TRIM67: variants seen among roughly 807,000 people sequenced by gnomAD.
The protein encoded by TRIM67 is tripartite motif-containing protein 67.
A neutral mutation model predicts 71.0 loss-of-function variants in TRIM67; 39 were observed. The observed-to-expected ratio is 0.55, with a 90% confidence interval of 0.43 to 0.72. TRIM67 has a LOEUF of 0.72. Among genes scored for constraint, TRIM67 ranks in the 30% least tolerant of loss-of-function variants. The pLI is 0.00. For missense variants in TRIM67, 973 were observed against 1,079.2 expected (o/e 0.90, Z 1.38); for synonymous variants, 481 against 473.9 (o/e 1.01, Z -0.19).
rs1308552604 is a variant in TRIM67 at position 231,219,737 on chromosome 1, T to G, written c.*4297T>G. Reference sequence around the variant, plus strand: ...TCTAACAGATCTTATTGGCAAATATTCAAGATGGTGATGCTGGAAAATTTC... The same window carrying G: ...TCTAACAGATCTTATTGGCAAATATGCAAGATGGTGATGCTGGAAAATTTC... On this transcript the variant is annotated 3_prime_UTR_variant, in exon 10 of 10. Transcript: ENST00000366653. 4.2e-6 allele frequency: 5 copies of G among 1,196,382 alleles called. No homozygotes were observed. The allele number at this position is 1,196,382 out of a possible 1,614,324, so 74.1% of individuals were successfully genotyped here. A position where few individuals can be genotyped will look rare whatever the true frequency, so the allele number is the denominator to read the frequency against.
chr1:231,195,306 C>T (rs1683337755), intron 1 of TRIM67, among the ~76,000 whole-genome samples: 1 of 152,204 alleles, frequency 6.6e-6, no homozygotes, highest in South Asian at 2.1e-4. Context: ...ATGAAAAGTC[C>T]AGCTCCTCAG....
chr1:231,196,493 T>C (rs1683374364), intron 1 of TRIM67, among the ~76,000 whole-genome samples: 1 of 151,638 alleles, frequency 6.6e-6, no homozygotes, highest in South Asian at 2.1e-4. Context: ...GGAGGATCAC[T>C]TGAGCCTGAG....
rs1682328103 is a variant in TRIM67 at position 231,162,939 on chromosome 1, G to A, written c.-31G>A. ...CCCGAGCTCCGGCCATTCATCCCCA[G>A]CGCAGAGCAGCGCTGGCAGCCGGCG... is the stretch of plus-strand genomic sequence containing the variant. On this transcript the variant is annotated 5_prime_UTR_variant, in exon 1 of 10. Coordinates refer to ENST00000366653, the MANE Select transcript of TRIM67 (RefSeq NM_001004342.5). The A allele has an allele frequency of 6.2e-7, 1 of 1,602,342 alleles. No individual in the cohort carries two copies. The highest frequency in any genetic ancestry group is 8.5e-7 in the Non-Finnish European group (1 of 1,176,338).
In TRIM67 at chr1:231,216,052, T is replaced by G. The variant is rs1684006361; in HGVS notation, c.*612T>G. On this transcript the variant is annotated 3_prime_UTR_variant, in exon 10 of 10. Transcript: ENST00000366653. ...CATGCTTGACTTTTGCCTCTCTCAC[T>G]GAAGTGTTAGAACCTTTTAAAATGG... 18 of 985,506 alleles carry G rather than the reference T, an allele frequency of 1.8e-5. No homozygotes were observed. The highest frequency in any genetic ancestry group is 1.9e-5 in the Non-Finnish European group (16 of 829,972). 61.0% of individuals were successfully genotyped at this position (985,506 alleles called of 1,614,324 possible). A position where few individuals can be genotyped will look rare whatever the true frequency, so the allele number is the denominator to read the frequency against.
chr1:231,193,503 G>GCTCTCTCTCTCT (rs3049035), intron 1 of TRIM67, among the ~76,000 whole-genome samples: 3,269 of 81,876 alleles, frequency 0.04, 354 homozygotes, highest in East Asian at 0.078. Context: ...TCTCTCTCAA[G>GCTCTCTCTCTCT]CTCTCTCTCT....
rs951843685 is a variant in TRIM67, at chr1:231,162,276, A to G, written c.-694A>G. 1.3e-5 allele frequency: 2 copies of G among 152,140 alleles called. No individual in the cohort carries two copies. Among genetic ancestry groups the G allele is most frequent in the African/African-American group, 2.4e-5 (1 of 41,426 alleles). 9.4% of individuals were successfully genotyped at this position (152,140 alleles called of 1,614,324 possible). On this transcript the variant is annotated 5_prime_UTR_variant, in exon 1 of 10. Transcript: ENST00000366653. Reference sequence around the variant, plus strand: ...CCCAGGGCGCAGTCAGCCGGCGTCCACAGCCGCCCAGGAGTAGGGTGAGCG... The same window carrying G: ...CCCAGGGCGCAGTCAGCCGGCGTCCGCAGCCGCCCAGGAGTAGGGTGAGCG...
Position 231,163,348 on chromosome 1 carries a change from G to C in TRIM67, c.379G>C (p.Val127Leu). 2 of 1,530,196 alleles carry C rather than the reference G, an allele frequency of 1.3e-6. No homozygotes were observed. The highest frequency in any genetic ancestry group is 1.8e-6 in the Non-Finnish European group (2 of 1,138,532). The allele number at this position is 1,530,196 out of a possible 1,614,324, so 94.8% of individuals were successfully genotyped here. The change falls in exon 1 of 10, where the codon GTG (valine) becomes CTG (leucine). Residue 127 changes from valine (V) to leucine (L), a missense_variant. Around this residue, in one of 2 missense-constraint regions of TRIM67, gnomAD observed 795 missense variants for 831.3 expected, o/e 0.96. Coordinates refer to ENST00000366653, the MANE Select transcript of TRIM67 (RefSeq NM_001004342.5). Reference sequence around the variant, plus strand: ...CCTCAAGTCCCCCAACGGGGTTCGCGTGCTGCCCATGGTGCCCGCACCACC... The same window carrying C: ...CCTCAAGTCCCCCAACGGGGTTCGCCTGCTGCCCATGGTGCCCGCACCACC... ...PSLKSPNGVR[V>L]LPMVPAPPGS...
chr1:231,168,115 C>T (rs1682526684), intron 1 of TRIM67, among the ~76,000 whole-genome samples: 1 of 152,160 alleles, frequency 6.6e-6, no homozygotes. Context: ...GCACACCCCA[C>T]CACCATGCCT....
At chr1:231,166,733 C>G (rs1393611249) in intron 1 of TRIM67, among the ~76,000 whole-genome samples, 1 of 152,184 alleles carries the variant, frequency 6.6e-6, no homozygotes, top group Non-Finnish European at 1.5e-5. Context: ...AGTAAAGAGA[C>G]ATATATGTGA....
rs185301062 is a variant in TRIM67 at position 231,218,515 on chromosome 1, A to G, written c.*3075A>G. On this transcript the variant is annotated 3_prime_UTR_variant, in exon 10 of 10. Coordinates refer to ENST00000366653, the MANE Select transcript of TRIM67 (RefSeq NM_001004342.5). ...TTAATCTCTTCCGAAAATATCCACT[A>G]GCACCTCACTGCATACATAGCATCC... 9.1e-6 allele frequency: 9 copies of G among 985,458 alleles called. No individual in the cohort carries two copies. In the East Asian group the frequency reaches 1.0e-3, roughly 112 times the overall value. 61.0% of individuals were successfully genotyped at this position (985,458 alleles called of 1,614,324 possible). A position where few individuals can be genotyped will look rare whatever the true frequency, so the allele number is the denominator to read the frequency against.
At chr1:231,170,232 C>T (rs1282802297) in intron 1 of TRIM67, among the ~76,000 whole-genome samples, 8 of 151,992 alleles carry the variant, frequency 5.3e-5, no homozygotes, top group South Asian at 2.1e-4. Context: ...GTGATCCGCC[C>T]ACCTCTGCCT....
chr1:231,187,575 C>A (rs1463183703), intron 1 of TRIM67: 1 of 1,532,602 alleles, frequency 6.5e-7, no homozygotes, highest in Non-Finnish European at 8.7e-7. Context: ...CATTTCACAA[C>A]CTCCTTTGTG....
chr1:231,186,098 C>T (rs1388257402), intron 1 of TRIM67: 6 of 1,533,042 alleles, frequency 3.9e-6, no homozygotes, highest in Non-Finnish European at 5.2e-6. Flanking sequence ...AGGCGGCTGG[C>T]AGTCGCTTGC....
Position 231,219,683 on chromosome 1 carries a change from T to C in TRIM67, c.*4243T>C, listed in dbSNP as rs2102772283. On this transcript the variant is annotated 3_prime_UTR_variant, in exon 10 of 10. Transcript: ENST00000366653. Reference sequence around the variant, plus strand: ...AAGCAACAGGAACTTCTTAATGGGTTTGTGGCCCTCAATTGGTTTTTAAAA... The same window carrying C: ...AAGCAACAGGAACTTCTTAATGGGTCTGTGGCCCTCAATTGGTTTTTAAAA... The C allele has an allele frequency of 8.4e-6, 10 of 1,185,792 alleles. No homozygotes were observed. Among genetic ancestry groups the C allele is most frequent in the Non-Finnish European group, 1.1e-5 (10 of 941,640 alleles). The allele number at this position is 1,185,792 out of a possible 1,614,324, so 73.5% of individuals were successfully genotyped here.
intron 1 of TRIM67, among the ~76,000 whole-genome samples, chr1:231,164,309 G>T (rs1394616892): frequency 6.6e-6 from 1 of 152,166 alleles, no homozygotes; most frequent in East Asian, 1.9e-4. Flanking sequence ...CGCAGACACA[G>T]GGCTCTTTTA....
intron 1 of TRIM67, among the ~76,000 whole-genome samples, chr1:231,166,832 T>G (rs950277553): frequency 1.3e-5 from 2 of 152,220 alleles, no homozygotes; most frequent in Non-Finnish European, 2.9e-5. Context: ...TCTGTATGAA[T>G]TTCTTGGGAG....
chr1:231,208,334 C>A (rs552260073), intron 7 of TRIM67, among the ~76,000 whole-genome samples: 1 of 152,074 alleles, frequency 6.6e-6, no homozygotes, highest in Admixed American at 6.5e-5. Context: ...CCACCACGCC[C>A]GGCTAATTTT....
chr1:231,207,772 T>C (rs914817279), intron 7 of TRIM67, among the ~76,000 whole-genome samples: 1 of 152,198 alleles, frequency 6.6e-6, no homozygotes, highest in Non-Finnish European at 1.5e-5. Flanking sequence ...CTTCTGCCTC[T>C]AGACTCTCCT....
At chr1:231,186,374 G>C (rs1221068164) in intron 1 of TRIM67, among the ~76,000 whole-genome samples, 1 of 152,208 alleles carries the variant, frequency 6.6e-6, no homozygotes, top group Non-Finnish European at 1.5e-5. Context: ...TTCTTTGCTA[G>C]GGTTGCCAGA....
Sources: allele counts gnomAD v4.1 joint callset (sites outside exome capture counted in the v4.1 genomes callset), GRCh38; gene constraint gnomAD v4.1.1; regional missense constraint gnomAD v4.1.1; transcripts MANE v1.5; gene names NCBI Gene and HGNC (gene_info 2026-07-23, HGNC 2026-07-21).